PLPP1: variants seen among roughly 807,000 people sequenced by gnomAD.
The protein encoded by PLPP1 is phospholipid phosphatase 1.
PLPP1 carries 24 observed loss-of-function variants against 31.2 expected under a neutral mutation model. That is an observed-to-expected ratio of 0.77 (90% confidence interval 0.56 to 1.08). The LOEUF is 1.08. Ranked by LOEUF, PLPP1 falls within the 50% of genes least tolerant of loss-of-function variation. The probability of loss-of-function intolerance (pLI) is 0.00; values close to 1 mark genes in which losing one functional copy is unlikely to be tolerated. For missense variants in PLPP1, 319 were observed against 342.7 expected (o/e 0.93, Z 0.55); for synonymous variants, 146 against 126.3 (o/e 1.16, Z -1.05).
intron 1 of PLPP1, among the ~76,000 whole-genome samples, chr5:55,480,797 A>T (rs1752652953): frequency 6.6e-6 from 1 of 152,216 alleles, no homozygotes; most frequent in African/African-American, 2.4e-5. Flanking sequence ...TAATGGGTAG[A>T]TACCTACAAG....
intron 3 of PLPP1, 41 bp downstream of exon 3, chr5:55,467,828 A>T: frequency 6.5e-7 from 1 of 1,548,272 alleles, no homozygotes; most frequent in Non-Finnish European, 8.7e-7. Flanking sequence ...CTATTCCAAG[A>T]ATATACAAGA....
intron 1 of PLPP1, among the ~76,000 whole-genome samples, chr5:55,502,435 C>T (rs1195253305): frequency 2.0e-5 from 3 of 150,410 alleles, no homozygotes; most frequent in East Asian, 3.9e-4. Flanking sequence ...TGCAGTGAGC[C>T]GAGATCGTGC....
At chr5:55,426,089 ACTT>A (rs1561217684) in intron 4 of PLPP1, 50 bp from the exon 5 acceptor site, 1 of 1,450,608 alleles carries the variant, frequency 6.9e-7, no homozygotes, top group Non-Finnish European at 9.3e-7. Context: ...ATAACGCAAA[ACTT>A]TTATATTAAG....
rs539420440 is a variant in PLPP1, at chr5:55,454,219, AATTG to A, written c.492-12315_492-12312del. 7.2e-5 allele frequency among the ~76,000 whole-genome samples: 11 copies of A among 152,336 alleles called. No individual in the cohort carries two copies. The South Asian group carries it at 2.1e-3, about 29-fold the overall frequency. On this transcript the variant is annotated intron_variant, in intron 3 of 5. Transcript: ENST00000307259. ...TGCAATATATTATGTAAGAAAAAAT[AATTG>A]ATTAACATAATATAAACATAAAAGT...
chr5:55,493,182 G>C (rs35814824), intron 1 of PLPP1, among the ~76,000 whole-genome samples: 2,663 of 152,110 alleles, frequency 0.018, 122 homozygotes, highest in Admixed American at 0.097. Context: ...GGGCATGGTG[G>C]CATGTGCCTG....
rs191637202 is a variant in PLPP1, at chr5:55,529,319, A to C, written c.58+5253T>G. ...TAGCTTTGAATAAATTTCTAAACTG[A>C]GATGAAGCCAAACCTCTCATTTATA... On this transcript the variant is annotated intron_variant, in intron 1 of 5. Transcript: ENST00000307259. Among the ~76,000 whole-genome samples, 18 of 152,214 alleles carry C rather than the reference A, an allele frequency of 1.2e-4. No individual in the cohort carries two copies. In the East Asian group the frequency reaches 3.1e-3, roughly 26 times the overall value.
chr5:55,442,651 C>CAA (rs35404645), intron 3 of PLPP1, among the ~76,000 whole-genome samples: 85,897 of 144,842 alleles, frequency 0.59, 26,508 homozygotes, highest in Middle Eastern at 0.7. Flanking sequence ...GACGCCATCT[C>CAA]AAAAAAAAAA....
At chr5:55,533,083 T>A (rs1740734979) in intron 1 of PLPP1, among the ~76,000 whole-genome samples, 2 of 151,724 alleles carry the variant, frequency 1.3e-5, no homozygotes, top group South Asian at 4.2e-4. Flanking sequence ...TATTAACAGG[T>A]AACAAAATGC....
chr5:55,516,636 G>T (rs1201133164), intron 1 of PLPP1, among the ~76,000 whole-genome samples: 3 of 152,182 alleles, frequency 2.0e-5, no homozygotes, highest in African/African-American at 7.2e-5. Context: ...TGTGAACTCA[G>T]GTGAGTTACC....
chr5:55,453,388 G>A (rs1009539466), intron 3 of PLPP1, among the ~76,000 whole-genome samples: 3 of 152,038 alleles, frequency 2.0e-5, no homozygotes, highest in Non-Finnish European at 2.9e-5. Flanking sequence ...CATCAAAACC[G>A]AGGAGCATTA....
intron 1 of PLPP1, among the ~76,000 whole-genome samples, chr5:55,525,550 G>C (rs986470800): frequency 1.3e-5 from 2 of 152,182 alleles, no homozygotes; most frequent in Non-Finnish European, 2.9e-5. Context: ...TGCCCAGGCT[G>C]GTCTTGAACT....
chr5:55,463,750 C>T (rs1052879576), intron 3 of PLPP1, among the ~76,000 whole-genome samples: 4 of 150,720 alleles, frequency 2.7e-5, no homozygotes, highest in Admixed American at 2.0e-4. Flanking sequence ...AGTTCAAAAA[C>T]AGCCTGGACA....
intron 1 of PLPP1, among the ~76,000 whole-genome samples, chr5:55,527,623 A>C (rs1043283314): frequency 6.6e-6 from 1 of 152,246 alleles, no homozygotes; most frequent in Admixed American, 6.5e-5. Flanking sequence ...ACTCAAATGA[A>C]GTATTCAAGA....
At chr5:55,443,177 T>TAAAAAAA (rs1178247543) in intron 3 of PLPP1, among the ~76,000 whole-genome samples, 52 of 50,994 alleles carry the variant, frequency 1.0e-3, no homozygotes, top group African/African-American at 3.4e-3. Context: ...AAGGATTACT[T>TAAAAAAA]AAAAAAAAAA....
chr5:55,497,408 G>C (rs544628095), intron 1 of PLPP1, among the ~76,000 whole-genome samples: 2 of 150,882 alleles, frequency 1.3e-5, no homozygotes, highest in South Asian at 4.2e-4. Flanking sequence ...ACCATTCCTG[G>C]CTAATTTTTT....
Position 55,534,954 on chromosome 5 carries a change from C to A in PLPP1, c.-325G>T, listed in dbSNP as rs1740836108. The stretch of plus-strand genomic sequence containing the variant: ...CGGTTGCTCCCCGTCCGGATCCCGG[C>A]GCTCTCTCCCACAGGCGGGGCGTCC... On this transcript the variant is annotated 5_prime_UTR_variant, in exon 1 of 6. Coordinates refer to ENST00000307259, the MANE Select transcript of PLPP1 (RefSeq NM_003711.4). The A allele has an allele frequency of 5.6e-6, 2 of 358,728 alleles. No homozygotes were observed. The highest frequency in any genetic ancestry group is 2.2e-5 in the African/African-American group (1 of 46,272). 22.2% of individuals were successfully genotyped at this position (358,728 alleles called of 1,614,324 possible).
chr5:55,471,452 G>T (rs1238176440), intron 2 of PLPP1, among the ~76,000 whole-genome samples: 1 of 152,064 alleles, frequency 6.6e-6, no homozygotes, highest in Non-Finnish European at 1.5e-5. Flanking sequence ...CACCCGCCTT[G>T]GCCTCCCAAA....
At chr5:55,503,504 G>T (rs1007099733) in intron 1 of PLPP1, among the ~76,000 whole-genome samples, 1 of 151,832 alleles carries the variant, frequency 6.6e-6, no homozygotes, top group African/African-American at 2.4e-5. Flanking sequence ...GGCTGGGTGC[G>T]GTAGTTCATG....
intron 1 of PLPP1, among the ~76,000 whole-genome samples, chr5:55,479,221 T>C (rs1273859206): frequency 1.3e-5 from 2 of 152,118 alleles, no homozygotes; most frequent in Non-Finnish European, 2.9e-5. Context: ...GAGATGGGGT[T>C]TCACCATGTT....
Sources: allele counts gnomAD v4.1 joint callset (sites outside exome capture counted in the v4.1 genomes callset), GRCh38; gene constraint gnomAD v4.1.1; transcripts MANE v1.5; gene names NCBI Gene and HGNC (gene_info 2026-07-23, HGNC 2026-07-21).